Variants in HBEGF observed in about 807,000 individuals in gnomAD.
HBEGF encodes heparin binding EGF like growth factor.
Under a neutral mutation model 19.5 loss-of-function variants are expected in HBEGF, and 8 were observed. The observed-to-expected ratio is 0.41, with a 90% CI of 0.24 to 0.74. The LOEUF (loss-of-function observed/expected upper bound fraction) is 0.74. HBEGF is among the 30% of genes least tolerant of loss of function. HBEGF has a pLI of 0.32. For synonymous variants in HBEGF, 97 were observed against 108.9 expected (o/e 0.89, Z 0.68); for missense variants, 207 against 256.9 (o/e 0.81, Z 1.33).
At chr5:140,344,410 T>C (rs562417231) in intron 2 of HBEGF, among the ~76,000 whole-genome samples, 81 of 151,776 alleles carry the variant, frequency 5.3e-4, no homozygotes, top group African/African-American at 1.9e-3. Context: ...CCTCTGAACC[T>C]CAGGTTCTCA....
At chr5:140,343,061 G>A (rs1366197083) in intron 2 of HBEGF, 27 of 480,626 alleles carry the variant, frequency 5.6e-5, no homozygotes, top group Non-Finnish European at 9.3e-5. Context: ...CACAGTCTCT[G>A]TGTAAGAGCC....
intron 4 of HBEGF, among the ~76,000 whole-genome samples, chr5:140,335,383 CAAAA>C (rs752308223): frequency 4.4e-5 from 4 of 91,114 alleles, no homozygotes; most frequent in Admixed American, 1.2e-4. Flanking sequence ...GACTCTGTCT[CAAAA>C]AAAAAAAAAA....
chr5:140,341,636 C>T (rs1432124674), intron 3 of HBEGF, among the ~76,000 whole-genome samples: 1 of 152,216 alleles, frequency 6.6e-6, no homozygotes, highest in Non-Finnish European at 1.5e-5. Flanking sequence ...GCACCAATCA[C>T]CAGTAGAAGG....
chr5:140,341,126 G>A (rs1162318231), intron 3 of HBEGF, among the ~76,000 whole-genome samples: 1 of 152,168 alleles, frequency 6.6e-6, no homozygotes, highest in East Asian at 1.9e-4. Flanking sequence ...CATCATTATA[G>A]TTATCACTAT....
Position 140,334,646 on chromosome 5 carries a change from A to T in HBEGF, c.*18+12T>A. ...GGATAATCATGTCATGGGGCAAAGG[A>T]TGGAGCGTTACCTTGAGCACAAGTC... On this transcript the variant is annotated intron_variant, in intron 5 of 5. Coordinates refer to ENST00000230990, the MANE Select transcript of HBEGF (RefSeq NM_001945.3). The T allele has an allele frequency of 6.5e-7, 1 of 1,544,104 alleles. No homozygotes were observed. Among genetic ancestry groups the T allele is most frequent in the Non-Finnish European group, 9.0e-7 (1 of 1,115,994 alleles).
At chr5:140,335,418 G>C (rs4150230) in intron 4 of HBEGF, among the ~76,000 whole-genome samples, 32,274 of 150,430 alleles carry the variant, frequency 0.21, 3,646 homozygotes, top group East Asian at 0.31. Flanking sequence ...AAAGAAAACA[G>C]GCATAGAGTG....
chr5:140,339,737 G>A (rs543769070), intron 3 of HBEGF, among the ~76,000 whole-genome samples: 1 of 152,216 alleles, frequency 6.6e-6, no homozygotes, highest in East Asian at 1.9e-4. Context: ...GACACAAAAA[G>A]GGTTTTCCTG....
chr5:140,339,572 T>C (rs921485018), intron 3 of HBEGF, among the ~76,000 whole-genome samples: 1 of 152,044 alleles, frequency 6.6e-6, no homozygotes, highest in Non-Finnish European at 1.5e-5. Flanking sequence ...TTTGTATTTT[T>C]AGTAGAGACG....
intron 3 of HBEGF, among the ~76,000 whole-genome samples, chr5:140,338,846 G>A (rs1198348307): frequency 6.6e-6 from 1 of 152,182 alleles, no homozygotes; most frequent in African/African-American, 2.4e-5. Context: ...CTAGGGTCCA[G>A]AGACATCTTC....
intron 2 of HBEGF, among the ~76,000 whole-genome samples, chr5:140,344,493 C>A (rs1276068758): frequency 1.3e-5 from 2 of 152,178 alleles, no homozygotes; most frequent in South Asian, 4.1e-4. Flanking sequence ...GATAACATAT[C>A]AAGTGCCTAG....
intron 3 of HBEGF, among the ~76,000 whole-genome samples, chr5:140,338,103 A>C (rs1766254631): frequency 6.6e-6 from 1 of 152,212 alleles, no homozygotes; most frequent in African/African-American, 2.4e-5. Context: ...CACTTTGAAC[A>C]ATGCAGGATA....
rs1351788795 is a variant in HBEGF, at chr5:140,337,077, C to G, written c.399-1050G>C. On this transcript the variant is annotated intron_variant, in intron 3 of 5. Coordinates refer to ENST00000230990, the MANE Select transcript of HBEGF (RefSeq NM_001945.3). Reference sequence around the variant, plus strand: ...AACTCCTGACCTCAGGTGATCCACCCGCCTCTGCCTCCCAATGTGCAAGGA... The same window carrying G: ...AACTCCTGACCTCAGGTGATCCACCGGCCTCTGCCTCCCAATGTGCAAGGA... 2.0e-5 allele frequency among the ~76,000 whole-genome samples: 3 copies of G among 152,142 alleles called. No individual in the cohort carries two copies. In the East Asian group the frequency reaches 5.8e-4, roughly 29 times the overall value.
intron 5 of HBEGF, 61 bp downstream of exon 5, chr5:140,334,597 A>C (rs546200975): frequency 8.7e-7 from 1 of 1,145,120 alleles, no homozygotes; most frequent in African/African-American, 1.5e-5. Flanking sequence ...CACCCACTGA[A>C]GCACAGCCAG....
chr5:140,334,380 G>A (rs1766196517), intron 5 of HBEGF, 100 bp from the exon 6 acceptor site: 1 of 400,846 alleles, frequency 2.5e-6, no homozygotes, highest in Non-Finnish European at 4.5e-6. Context: ...TTTTGAGACA[G>A]GGTTTCACTC....
Position 140,334,929 on chromosome 5 carries a change from T to C in HBEGF, c.555-181A>G, listed in dbSNP as rs953746690. 6 of 619,316 alleles carry C rather than the reference T, an allele frequency of 9.7e-6. No individual in the cohort carries two copies. The African/African-American group carries it at 1.1e-4, about 11-fold the overall frequency. The allele number at this position is 619,316 out of a possible 1,614,324, so 38.4% of individuals were successfully genotyped here. On this transcript the variant is annotated intron_variant, in intron 4 of 5. Coordinates refer to ENST00000230990, the MANE Select transcript of HBEGF (RefSeq NM_001945.3). ...TGCCCCGAGGAACTCCTGTCTCTAA[T>C]AGCAGGATGCAATTTACAAATAGCT...
At position 140,346,088 on chromosome 5, in the gene HBEGF, C is replaced by G; in HGVS notation, c.47-4G>C. 3 of 1,610,402 alleles carry G rather than the reference C, an allele frequency of 1.9e-6. No individual in the cohort carries two copies. Among genetic ancestry groups the G allele is most frequent in the Non-Finnish European group, 2.5e-6 (3 of 1,178,248 alleles). The stretch of plus-strand genomic sequence containing the variant: ...CCAGTCACCAGTGCCGAGAGAACTG[C>G]GGGCGAGAGGCCAGGCCGCATCAGA... On this transcript the variant is annotated splice_region_variant and splice_polypyrimidine_tract_variant and intron_variant, in intron 1 of 5. Coordinates refer to ENST00000230990, the MANE Select transcript of HBEGF (RefSeq NM_001945.3). The surrounding 1 kb of genome is among the most constrained non-coding windows in gnomAD (Gnocchi z 6.1).
In HBEGF at chr5:140,346,532, G is replaced by C; in HGVS notation, c.-204C>G. 1 of 618,708 alleles carries C rather than the reference G, an allele frequency of 1.6e-6. No individual in the cohort carries two copies. Among genetic ancestry groups the C allele is most frequent in the Non-Finnish European group, 2.8e-6 (1 of 358,062 alleles). 38.3% of individuals were successfully genotyped at this position (618,708 alleles called of 1,614,324 possible). On this transcript the variant is annotated 5_prime_UTR_variant, in exon 1 of 6. Transcript: ENST00000230990. This position sits in a 1 kb window ranked among gnomAD's most constrained non-coding sequence, Gnocchi z 6.1. ...TGTCTTGCTCACTCAGCCCGCCCGC[G>C]CGGCCGCCCGACCCCGCGCGCCTAG...
rs1766404151 is a variant in HBEGF at position 140,346,545 on chromosome 5, C to G, written c.-217G>C. ...CAGCCCGCCCGCGCGGCCGCCCGAC[C>G]CCGCGCGCCTAGGTCAGGCCAGCCA... On this transcript the variant is annotated 5_prime_UTR_variant, in exon 1 of 6. Transcript: ENST00000230990. This position sits in a 1 kb window ranked among gnomAD's most constrained non-coding sequence, Gnocchi z 6.1. 1 of 600,810 alleles carries G rather than the reference C, an allele frequency of 1.7e-6. No individual in the cohort carries two copies. Among genetic ancestry groups the G allele is most frequent in the African/African-American group, 1.9e-5 (1 of 52,436 alleles). The allele number at this position is 600,810 out of a possible 1,614,324, so 37.2% of individuals were successfully genotyped here. A position where few individuals can be genotyped will look rare whatever the true frequency, so the allele number is the denominator to read the frequency against.
In HBEGF at chr5:140,342,661, C is replaced by T; in HGVS notation, c.372G>A (p.Val124=). 1 of 1,614,184 alleles carries T rather than the reference C, an allele frequency of 6.2e-7. No individual in the cohort carries two copies. Among genetic ancestry groups the T allele is most frequent in the Admixed American group, 1.7e-5 (1 of 60,022 alleles). Residue 124 remains valine, a synonymous_variant, in exon 3 of 6, where the codon GTG becomes GTA. Coordinates refer to ENST00000230990, the MANE Select transcript of HBEGF (RefSeq NM_001945.3). The stretch of plus-strand genomic sequence containing the variant: ...TGCAGGAGGGAGCCCGGAGCTCCTT[C>T]ACATATTTGCATTCTCCATGGATGC... ...DFCIHGECKY[V]KELRAPSCIC...
Sources: allele counts gnomAD v4.1 joint callset (sites outside exome capture counted in the v4.1 genomes callset), GRCh38; gene constraint gnomAD v4.1.1; non-coding constraint Gnocchi (gnomAD v3.1); transcripts MANE v1.5; gene names NCBI Gene and HGNC (gene_info 2026-07-23, HGNC 2026-07-21).